Variants in NALCN observed in about 807,000 individuals in gnomAD.
The protein encoded by NALCN is sodium leak channel NALCN.
A neutral mutation model predicts 225.3 loss-of-function variants in NALCN; 111 were observed. The ratio of observed to expected loss-of-function variants is 0.49; its 90% CI spans 0.42 to 0.58. NALCN has a LOEUF of 0.58. Among genes scored for constraint, NALCN ranks in the 20% least tolerant of loss-of-function variants. NALCN has a pLI of 0.00. For synonymous variants in NALCN, 764 were observed against 769.0 expected, an observed-to-expected ratio of 0.99 and a Z score of 0.11; for missense variants, 1,378 against 2,202.4, an observed-to-expected ratio of 0.63 and a Z score of 7.49.
chr13:101,174,638 A>G (rs1452844877), intron 15 of NALCN, among the ~76,000 whole-genome samples: 1 of 152,242 alleles, frequency 6.6e-6, no homozygotes, highest in Non-Finnish European at 1.5e-5. Flanking sequence ...ACTGCAAAGT[A>G]TCCTTAGGTT....
At chr13:101,128,767 G>A (rs2036366498) in intron 17 of NALCN, among the ~76,000 whole-genome samples, 1 of 151,338 alleles carries the variant, frequency 6.6e-6, no homozygotes, top group African/African-American at 2.4e-5. Flanking sequence ...TCTTCATGTT[G>A]CACAGGCTGG....
chr13:101,362,815 C>T (rs939030131), intron 6 of NALCN, among the ~76,000 whole-genome samples: 10 of 151,910 alleles, frequency 6.6e-5, no homozygotes, highest in African/African-American at 2.2e-4. Context: ...CATTTGCAGA[C>T]GACATGATCT....
intron 39 of NALCN, among the ~76,000 whole-genome samples, chr13:101,067,547 A>G (rs1335990567): frequency 1.3e-5 from 2 of 152,214 alleles, no homozygotes; most frequent in Admixed American, 1.3e-4. Context: ...TGTACTTTTA[A>G]TTGGGATTGC....
At chr13:101,063,590 C>A (rs760389165) in intron 40 of NALCN, among the ~76,000 whole-genome samples, 1 of 152,246 alleles carries the variant, frequency 6.6e-6, no homozygotes, top group African/African-American at 2.4e-5. Flanking sequence ...GAGATGACCT[C>A]CTTTGTGATT....
chr13:101,133,045 C>A (rs1050558973), intron 17 of NALCN, among the ~76,000 whole-genome samples: 9 of 152,160 alleles, frequency 5.9e-5, no homozygotes, highest in African/African-American at 9.6e-5. Context: ...CTTACTGATT[C>A]CTTAAAATCT....
intron 7 of NALCN, among the ~76,000 whole-genome samples, chr13:101,335,626 T>C (rs573622183): frequency 3.1e-4 from 47 of 152,158 alleles, no homozygotes; most frequent in African/African-American, 1.1e-3. Context: ...CTCTTCCATA[T>C]GTGTTTTCAT....
intron 7 of NALCN, among the ~76,000 whole-genome samples, chr13:101,303,731 C>T (rs139273639): frequency 2.0e-5 from 3 of 152,220 alleles, no homozygotes; most frequent in East Asian, 1.9e-4. Context: ...AATGTCTTTC[C>T]GCGCTCTCAT....
intron 7 of NALCN, among the ~76,000 whole-genome samples, chr13:101,333,597 G>A (rs1196698551): frequency 1.3e-5 from 2 of 152,206 alleles, no homozygotes; most frequent in Non-Finnish European, 2.9e-5. Flanking sequence ...TACCTCTTCA[G>A]CAGGGTTTTG....
chr13:101,317,990 A>T (rs2044614835), intron 7 of NALCN, among the ~76,000 whole-genome samples: 1 of 152,144 alleles, frequency 6.6e-6, no homozygotes, highest in Non-Finnish European at 1.5e-5. Flanking sequence ...GTGGTTTTGT[A>T]GTATACAAAA....
intron 7 of NALCN, among the ~76,000 whole-genome samples, chr13:101,305,979 A>G (rs2044141187): frequency 6.6e-6 from 1 of 152,180 alleles, no homozygotes; most frequent in Non-Finnish European, 1.5e-5. Context: ...GGAAATATTC[A>G]AAGAGGAAAC....
intron 10 of NALCN, among the ~76,000 whole-genome samples, chr13:101,269,931 T>G (rs539976940): frequency 6.6e-6 from 1 of 152,280 alleles, no homozygotes; most frequent in Non-Finnish European, 1.5e-5. Context: ...TGGCTGGACA[T>G]AGGTAATAAT....
chr13:101,074,825 T>C (rs2139473308), intron 35 of NALCN, among the ~76,000 whole-genome samples, 163 bp from the exon 36 acceptor site: 1 of 152,330 alleles, frequency 6.6e-6, no homozygotes, highest in South Asian at 2.1e-4. Context: ...CTTAGGTGTA[T>C]CATTTGAAAG....
At chr13:101,309,414 A>T (rs180798827) in intron 7 of NALCN, among the ~76,000 whole-genome samples, 35 of 152,350 alleles carry the variant, frequency 2.3e-4, no homozygotes, top group Admixed American at 3.9e-4. Flanking sequence ...CATGACCATA[A>T]TGAATGGCCA....
intron 15 of NALCN, among the ~76,000 whole-genome samples, chr13:101,173,316 G>C (rs1285528588): frequency 6.6e-6 from 1 of 152,132 alleles, no homozygotes; most frequent in African/African-American, 2.4e-5. Flanking sequence ...GCCCTCCCCA[G>C]TATGCATGAC....
chr13:101,086,859 T>G (rs1462945620), intron 30 of NALCN, among the ~76,000 whole-genome samples: 1 of 152,146 alleles, frequency 6.6e-6, no homozygotes, highest in African/African-American at 2.4e-5. Context: ...TAATAGTGTT[T>G]GTTTAAAATT....
chr13:101,310,824 A>C (rs1015345794), intron 7 of NALCN, among the ~76,000 whole-genome samples: 2 of 152,162 alleles, frequency 1.3e-5, no homozygotes, highest in African/African-American at 4.8e-5. Context: ...GAAAAATAGT[A>C]AAGAAACACA....
intron 14 of NALCN, among the ~76,000 whole-genome samples, chr13:101,179,788 A>G (rs754125256): frequency 1.3e-5 from 2 of 152,332 alleles, no homozygotes; most frequent in Middle Eastern, 3.4e-3. Context: ...TTCAAACAAC[A>G]GACATTTATT....
In NALCN at chr13:101,293,869, T is replaced by C. The variant is rs895308263; in HGVS notation, c.800-1503A>G. ...AATATAACTTCATAAATGTCCTGCC[T>C]TTCATTTTAAAAATCATATTTTGTA... On this transcript the variant is annotated intron_variant, in intron 7 of 43. Transcript: ENST00000251127. Among the ~76,000 whole-genome samples, 3 of 152,354 alleles carry C rather than the reference T, an allele frequency of 2.0e-5. No homozygotes were observed. The South Asian group carries it at 6.2e-4, about 32-fold the overall frequency.
intron 15 of NALCN, among the ~76,000 whole-genome samples, chr13:101,164,271 G>A (rs1306264240): frequency 6.6e-6 from 1 of 151,936 alleles, no homozygotes; most frequent in Non-Finnish European, 1.5e-5. Context: ...TAAAAATCCA[G>A]TTGGCTGTTT....
Sources: gnomAD v4.1 joint callset for allele counts (sites outside exome capture counted in the v4.1 genomes callset) on GRCh38, gnomAD v4.1.1 for gene constraint, MANE v1.5 for transcripts, NCBI Gene and HGNC (gene_info 2026-07-23, HGNC 2026-07-21) for gene names.